UBE2E2: variants seen among roughly 807,000 people sequenced by gnomAD.
The protein encoded by UBE2E2 is ubiquitin conjugating enzyme E2 E2.
UBE2E2 carries 6 observed loss-of-function variants against 24.7 expected under a neutral mutation model. That is an observed-to-expected ratio of 0.24 (90% CI 0.13 to 0.48). The LOEUF (loss-of-function observed/expected upper bound fraction) is 0.48. Ranked by LOEUF, UBE2E2 falls within the 20% of genes least tolerant of loss-of-function variation. The pLI, the probability that UBE2E2 is intolerant of heterozygous loss-of-function variation, is 0.99. For missense variants in UBE2E2, 169 were observed against 245.0 expected (o/e 0.69, Z 2.07); for synonymous variants, 104 against 83.6 (o/e 1.24, Z -1.33).
chr3:23,423,763 A>G (rs1697858231), intron 3 of UBE2E2, among the ~76,000 whole-genome samples: 1 of 152,160 alleles, frequency 6.6e-6, no homozygotes, highest in Non-Finnish European at 1.5e-5. Context: ...GATACTCATG[A>G]ATGTTTTTAA....
intron 3 of UBE2E2, among the ~76,000 whole-genome samples, chr3:23,308,667 G>A (rs1301155517): frequency 6.6e-6 from 1 of 152,144 alleles, no homozygotes; most frequent in Non-Finnish European, 1.5e-5. Context: ...GAGTGTATTA[G>A]TCAGGGTTCT....
intron 3 of UBE2E2, among the ~76,000 whole-genome samples, chr3:23,354,641 C>T (rs1037151082): frequency 3.3e-5 from 5 of 152,202 alleles, no homozygotes; most frequent in Admixed American, 6.5e-5. Flanking sequence ...CTCACCATCA[C>T]TGGCCATCAA....
intron 3 of UBE2E2, among the ~76,000 whole-genome samples, chr3:23,307,112 G>A (rs1049143578): frequency 6.6e-6 from 1 of 152,190 alleles, no homozygotes; most frequent in African/African-American, 2.4e-5. Context: ...CTAACTTGGA[G>A]ATGTTTTGGT....
At chr3:23,317,757 G>T (rs560548922) in intron 3 of UBE2E2, among the ~76,000 whole-genome samples, 1 of 152,080 alleles carries the variant, frequency 6.6e-6, no homozygotes, top group East Asian at 1.9e-4. Context: ...ACCTCCTACC[G>T]GGTCTCTCCC....
At chr3:23,355,022 A>C (rs1695899121) in intron 3 of UBE2E2, among the ~76,000 whole-genome samples, 1 of 152,030 alleles carries the variant, frequency 6.6e-6, no homozygotes, top group African/African-American at 2.4e-5. Context: ...AATGTGGCAC[A>C]TATACACCAT....
chr3:23,468,195 T>C (rs1274665762), intron 3 of UBE2E2, among the ~76,000 whole-genome samples: 3 of 152,218 alleles, frequency 2.0e-5, no homozygotes, highest in African/African-American at 7.2e-5. Context: ...GCCCACCTCC[T>C]TTCCTGCCAG....
intron 3 of UBE2E2, among the ~76,000 whole-genome samples, chr3:23,252,685 C>G (rs1029370565): frequency 2.6e-5 from 4 of 151,998 alleles, no homozygotes; most frequent in African/African-American, 9.7e-5. Context: ...TTAGTAGAGA[C>G]GAGGTTTCAC....
intron 3 of UBE2E2, among the ~76,000 whole-genome samples, chr3:23,443,312 C>T (rs1280432964): frequency 6.6e-6 from 1 of 152,186 alleles, no homozygotes; most frequent in Non-Finnish European, 1.5e-5. Flanking sequence ...GCAGCATGTG[C>T]TGTTTATTAG....
chr3:23,446,852 T>TC (rs1698444130), intron 3 of UBE2E2, among the ~76,000 whole-genome samples: 2 of 152,114 alleles, frequency 1.3e-5, no homozygotes, highest in African/African-American at 4.8e-5. Context: ...TTAATTGGCC[T>TC]CCATAAACCC....
At chr3:23,278,346 G>A (rs924606871) in intron 3 of UBE2E2, among the ~76,000 whole-genome samples, 3 of 152,138 alleles carry the variant, frequency 2.0e-5, no homozygotes, top group Non-Finnish European at 2.9e-5. Context: ...ATTTAATTCA[G>A]GAAAAAGGAA....
chr3:23,220,043 A>G (rs893721976), intron 3 of UBE2E2, among the ~76,000 whole-genome samples: 7 of 152,146 alleles, frequency 4.6e-5, no homozygotes, highest in Non-Finnish European at 8.8e-5. Flanking sequence ...AAGGAACTGT[A>G]TGTGTTTAAG....
At chr3:23,586,146 T>C (rs1428362195) in intron 5 of UBE2E2, among the ~76,000 whole-genome samples, 1 of 152,208 alleles carries the variant, frequency 6.6e-6, no homozygotes, top group Non-Finnish European at 1.5e-5. Flanking sequence ...TTGTAGCCTT[T>C]TTCTCCTTTC....
chr3:23,257,289 C>G (rs774341952), intron 3 of UBE2E2, among the ~76,000 whole-genome samples: 6 of 152,178 alleles, frequency 3.9e-5, no homozygotes, highest in African/African-American at 9.7e-5. Context: ...CTTTCTCTAT[C>G]CAGCTCTTCA....
intron 3 of UBE2E2, among the ~76,000 whole-genome samples, chr3:23,350,588 T>C (rs1281037318): frequency 6.6e-6 from 1 of 152,074 alleles, no homozygotes; most frequent in African/African-American, 2.4e-5. Context: ...ACGTGAAGAA[T>C]ACAGAAGCCT....
intron 3 of UBE2E2, among the ~76,000 whole-genome samples, chr3:23,347,956 A>G (rs1261211681): frequency 1.3e-5 from 2 of 152,142 alleles, no homozygotes; most frequent in Non-Finnish European, 2.9e-5. Flanking sequence ...AATAAACTCC[A>G]TATAAAGCCA....
chr3:23,262,062 G>T (rs941550695), intron 3 of UBE2E2, among the ~76,000 whole-genome samples: 1 of 152,034 alleles, frequency 6.6e-6, no homozygotes, highest in South Asian at 2.1e-4. Flanking sequence ...TTCCTTAGTG[G>T]CTCTACCAGT....
intron 3 of UBE2E2, among the ~76,000 whole-genome samples, chr3:23,431,687 C>A (rs1308720218): frequency 2.0e-5 from 3 of 152,056 alleles, no homozygotes; most frequent in Non-Finnish European, 4.4e-5. Flanking sequence ...TAGAACTTTG[C>A]AGTAAAAATA....
chr3:23,342,714 A>T lies in UBE2E2; in HGVS notation c.227+125402A>T, dbSNP rs1695430540. On this transcript the variant is annotated intron_variant, in intron 3 of 5. Transcript: ENST00000396703. ...TACATACATGTATATTTTCTTGGAA[A>T]TACTATGGAATATAAATGAGTATTA... 2.0e-5 allele frequency among the ~76,000 whole-genome samples: 3 copies of T among 152,182 alleles called. No individual in the cohort carries two copies. In the South Asian group the frequency reaches 6.2e-4, roughly 32 times the overall value.
intron 3 of UBE2E2, among the ~76,000 whole-genome samples, chr3:23,298,149 C>A (rs1274819310): frequency 1.3e-5 from 2 of 152,190 alleles, no homozygotes; most frequent in Admixed American, 1.3e-4. Flanking sequence ...TATCCTGAGA[C>A]TTTGCTGAAG....
Sources: gnomAD v4.1 joint callset for allele counts (sites outside exome capture counted in the v4.1 genomes callset) on GRCh38, gnomAD v4.1.1 for gene constraint, MANE v1.5 for transcripts, NCBI Gene and HGNC (gene_info 2026-07-23, HGNC 2026-07-21) for gene names.